The following ABCB1 variants were observed in gnomAD, a reference collection of about 807,000 sequenced individuals.
ABCB1 encodes the protein ATP-dependent translocase ABCB1.
A neutral mutation model predicts 142.0 loss-of-function variants in ABCB1; 69 were observed. The ratio of observed to expected loss-of-function variants is 0.49; its 90% CI spans 0.40 to 0.59. ABCB1 has a LOEUF of 0.59. ABCB1 is among the 20% of genes least tolerant of loss of function. The pLI, the probability that ABCB1 is intolerant of heterozygous loss-of-function variation, is 0.00. For missense variants in ABCB1, 1,326 were observed against 1,554.7 expected, an observed-to-expected ratio of 0.85 and a Z score of 2.47; for synonymous variants, 532 against 539.2, an observed-to-expected ratio of 0.99 and a Z score of 0.18.
Position 87,566,163 on chromosome 7 carries a change from C to T in ABCB1, c.609G>A (p.Gly203=). ...AACCACGTGTAAATCCTACTATAAACCCAGTGAAAAATGTTGCCATTGACT... is the reference window on the plus strand; with the variant it reads ...AACCACGTGTAAATCCTACTATAAATCCAGTGAAAAATGTTGCCATTGACT... The part of the protein sequence containing the change: ...FFQSMATFFT[G]FIVGFTRGWK... Residue 203 remains glycine (G), a synonymous_variant, in exon 7 of 28, where the codon GGG becomes GGA. Coordinates refer to ENST00000622132, the MANE Select transcript of ABCB1 (RefSeq NM_001348946.2). 6.2e-7 allele frequency: 1 copy of T among 1,614,180 alleles called. No homozygotes were observed. Among genetic ancestry groups the T allele is most frequent in the African/African-American group, 1.3e-5 (1 of 75,044 alleles).
At chr7:87,696,362 T>A (rs1342095208) in intron 1 of ABCB1, among the ~76,000 whole-genome samples, 1 of 152,200 alleles carries the variant, frequency 6.6e-6, no homozygotes, top group African/African-American at 2.4e-5. Context: ...ACTTTGTTTT[T>A]AAATTTTCCT....
In ABCB1 at chr7:87,504,231, T is replaced by C. The variant is rs1323914093; in HGVS notation, c.*12A>G. Reference sequence around the variant, plus strand: ...ATATTAAAAAGTATTTAACATCTCATACAGTCAGAGTTCACTGGCGCTTTG... The same window carrying C: ...ATATTAAAAAGTATTTAACATCTCACACAGTCAGAGTTCACTGGCGCTTTG... On this transcript the variant is annotated 3_prime_UTR_variant, in exon 28 of 28. Coordinates refer to ENST00000622132, the MANE Select transcript of ABCB1 (RefSeq NM_001348946.2). 6.2e-7 allele frequency: 1 copy of C among 1,614,050 alleles called. No individual in the cohort carries two copies.
At chr7:87,536,638 C>T in intron 19 of ABCB1, 97 bp from the exon 20 acceptor site, 1 of 1,007,366 alleles carries the variant, frequency 9.9e-7, no homozygotes, top group Non-Finnish European at 1.6e-6. Flanking sequence ...TATACTTATA[C>T]CCCCTGCATT....
chr7:87,549,437 C>G lies in ABCB1; in HGVS notation c.1636G>C (p.Val546Leu). 3 of 1,614,192 alleles carry G rather than the reference C, an allele frequency of 1.9e-6. No individual in the cohort carries two copies. The highest frequency in any genetic ancestry group is 2.5e-6 in the Non-Finnish European group (3 of 1,180,048). ...AGCAGGAGGATCTTGGGGTTGCGAACCAGGGCACGTGCAATGGCGATCCTC... is the reference window on the plus strand; with the variant it reads ...AGCAGGAGGATCTTGGGGTTGCGAAGCAGGGCACGTGCAATGGCGATCCTC... ...KQRIAIARAL[V>L]RNPKILLLDE... Residue 546 changes from valine to leucine, a missense_variant, in exon 14 of 28, where the codon GTT becomes CTT. Coordinates refer to ENST00000622132, the MANE Select transcript of ABCB1 (RefSeq NM_001348946.2).
intron 1 of ABCB1, among the ~76,000 whole-genome samples, chr7:87,610,766 T>C (rs1362772941): frequency 6.6e-6 from 1 of 152,210 alleles, no homozygotes; most frequent in Admixed American, 6.5e-5. Context: ...TCTATGCATC[T>C]CATATTTGAG....
At chr7:87,520,710 TC>T (rs1815463016) in intron 22 of ABCB1, 65 bp downstream of exon 22, 1 of 1,418,734 alleles carries the variant, frequency 7.0e-7, no homozygotes, top group Non-Finnish European at 1.0e-6. Context: ...AAGTAATCCC[TC>T]TGAAAACAAA....
At chr7:87,643,624 A>T (rs1233446297) in intron 1 of ABCB1, among the ~76,000 whole-genome samples, 1 of 151,158 alleles carries the variant, frequency 6.6e-6, no homozygotes, top group Admixed American at 6.6e-5. Context: ...AGGTTCAAGC[A>T]ATTTTCCTGC....
At chr7:87,516,788 G>A in intron 23 of ABCB1, 123 bp from the exon 24 acceptor site, 2 of 965,852 alleles carry the variant, frequency 2.1e-6, no homozygotes, top group South Asian at 1.5e-5. Flanking sequence ...CCAGGCTGGA[G>A]TGCAGTAGTG....
chr7:87,528,500 T>C (rs1815896491), intron 21 of ABCB1, among the ~76,000 whole-genome samples: 1 of 152,166 alleles, frequency 6.6e-6, no homozygotes, highest in Non-Finnish European at 1.5e-5. Context: ...AATACATTTA[T>C]TGAAAAAAAC....
chr7:87,553,765 A>G lies in ABCB1; in HGVS notation c.995T>C (p.Leu332Pro). The G allele has an allele frequency of 6.2e-7, 1 of 1,613,920 alleles. No individual in the cohort carries two copies. Among genetic ancestry groups the G allele is most frequent in the Non-Finnish European group, 8.5e-7 (1 of 1,179,812 alleles). ...TTCTCAATGTAAACCACTTACAGTGAGTACTTGTCCAATAGAATATTCCCC... is the reference window on the plus strand; with the variant it reads ...TTCTCAATGTAAACCACTTACAGTGGGTACTTGTCCAATAGAATATTCCCC... ...LSGEYSIGQVLTVFFSVLIGA... is the reference protein window; with the variant it reads ...LSGEYSIGQVPTVFFSVLIGA... The change falls in exon 9 of 28, where the codon CTC becomes CCC. Residue 332 changes from leucine (L) to proline (P), a missense_variant. Coordinates refer to ENST00000622132, the MANE Select transcript of ABCB1 (RefSeq NM_001348946.2).
intron 1 of ABCB1, among the ~76,000 whole-genome samples, chr7:87,614,633 A>C (rs765786998): frequency 6.6e-6 from 1 of 152,222 alleles, no homozygotes. Context: ...GTTGCGATCT[A>C]AAATAAAGCA....
intron 27 of ABCB1, among the ~76,000 whole-genome samples, chr7:87,505,372 A>G (rs1814687283): frequency 6.6e-6 from 1 of 152,224 alleles, no homozygotes; most frequent in Admixed American, 6.5e-5. Context: ...ATGTTACAAC[A>G]TCCTTGAAAA....
At chr7:87,695,170 T>C (rs1170727601) in intron 1 of ABCB1, among the ~76,000 whole-genome samples, 1 of 152,160 alleles carries the variant, frequency 6.6e-6, no homozygotes, top group Non-Finnish European at 1.5e-5. Flanking sequence ...TAAGTGTTTA[T>C]ACTTGTTCTA....
At chr7:87,668,078 A>G (rs1463957745) in intron 1 of ABCB1, among the ~76,000 whole-genome samples, 1 of 148,818 alleles carries the variant, frequency 6.7e-6, no homozygotes, top group Non-Finnish European at 1.5e-5. Context: ...TCTCATTTGT[A>G]TGTCTGGTAG....
chr7:87,555,876 A>G (rs527368478), intron 8 of ABCB1, among the ~76,000 whole-genome samples: 24 of 152,312 alleles, frequency 1.6e-4, no homozygotes, highest in Non-Finnish European at 2.6e-4. Flanking sequence ...CCTTTATTTC[A>G]GTTCTCGCTT....
At chr7:87,633,329 G>C (rs376578654) in intron 1 of ABCB1, among the ~76,000 whole-genome samples, 1 of 152,100 alleles carries the variant, frequency 6.6e-6, no homozygotes, top group South Asian at 2.1e-4. Context: ...ATGATTACAC[G>C]TTTCCCTACC....
At chr7:87,650,191 A>AATT (rs1314612454) in intron 1 of ABCB1, among the ~76,000 whole-genome samples, 2 of 152,168 alleles carry the variant, frequency 1.3e-5, no homozygotes, top group Non-Finnish European at 2.9e-5. Flanking sequence ...GAGTTAATTT[A>AATT]GTTAGGTCAC....
At chr7:87,628,580 C>CGTGT (rs1430415147) in intron 1 of ABCB1, 10 of 292,754 alleles carry the variant, frequency 3.4e-5, no homozygotes, top group African/African-American at 9.5e-5. Context: ...GTGGTGCGTG[C>CGTGT]GTGCGTGTGT....
chr7:87,522,484 C>A, intron 21 of ABCB1: 1 of 521,058 alleles, frequency 1.9e-6, no homozygotes, highest in Non-Finnish European at 3.7e-6. Context: ...CTACAGTTTA[C>A]AACAGATTTG....
Sources: gnomAD v4.1 joint callset for allele counts (sites outside exome capture counted in the v4.1 genomes callset) on GRCh38, gnomAD v4.1.1 for gene constraint, MANE v1.5 for transcripts, NCBI Gene and HGNC (gene_info 2026-07-23, HGNC 2026-07-21) for gene names.